The following CDKAL1 variants were observed in gnomAD, a reference collection of about 807,000 sequenced individuals.
The protein encoded by CDKAL1 is CDKAL1 threonylcarbamoyladenosine tRNA methylthiotransferase.
A neutral mutation model predicts 68.2 loss-of-function variants in CDKAL1; 32 were observed. The observed-to-expected ratio is 0.47, with a 90% confidence interval of 0.35 to 0.63. The LOEUF is 0.63. Ranked by LOEUF, CDKAL1 falls within the 30% of genes least tolerant of loss-of-function variation. The probability of loss-of-function intolerance (pLI) is 0.00; values close to 1 mark genes in which losing one functional copy is unlikely to be tolerated. For missense variants in CDKAL1, 606 were observed against 696.7 expected, an observed-to-expected ratio of 0.87 and a Z score of 1.47; for synonymous variants, 234 against 244.3, an observed-to-expected ratio of 0.96 and a Z score of 0.39.
intron 15 of CDKAL1, among the ~76,000 whole-genome samples, chr6:21,214,467 A>G (rs2151119389): frequency 1.3e-5 from 2 of 152,078 alleles, no homozygotes; most frequent in African/African-American, 4.8e-5. Flanking sequence ...ACTGGCCTCC[A>G]TGCTGCTCCT....
intron 6 of CDKAL1, 98 bp downstream of exon 6, chr6:20,739,713 A>G (rs891450106): frequency 1.9e-5 from 12 of 633,850 alleles, no homozygotes; most frequent in Non-Finnish European, 3.3e-5. Flanking sequence ...TTTGTAAGCT[A>G]TGTTACACTT....
chr6:21,190,364 G>GTTTTT (rs1308254985), intron 13 of CDKAL1, among the ~76,000 whole-genome samples: 1 of 150,948 alleles, frequency 6.6e-6, no homozygotes. Context: ...TATGTGTGGG[G>GTTTTT]TTTTTTTTGT....
intron 8 of CDKAL1, among the ~76,000 whole-genome samples, chr6:20,795,511 A>G (rs1776073845): frequency 6.6e-6 from 1 of 152,148 alleles, no homozygotes; most frequent in South Asian, 2.1e-4. Flanking sequence ...ATTCTCTTGG[A>G]ATAGTGGTTG....
At chr6:20,721,220 T>C (rs1772341676) in intron 5 of CDKAL1, among the ~76,000 whole-genome samples, 1 of 151,994 alleles carries the variant, frequency 6.6e-6, no homozygotes, top group South Asian at 2.1e-4. Flanking sequence ...TGTTTGGTTT[T>C]CTGTCCTTGA....
intron 9 of CDKAL1, among the ~76,000 whole-genome samples, chr6:20,903,623 A>G (rs1300647438): frequency 6.6e-6 from 1 of 152,216 alleles, no homozygotes; most frequent in Non-Finnish European, 1.5e-5. Context: ...GGTAACAAAG[A>G]TGCTGCTTCT....
chr6:20,766,323 A>G (rs956393794), intron 7 of CDKAL1, among the ~76,000 whole-genome samples: 3 of 152,082 alleles, frequency 2.0e-5, no homozygotes, highest in Admixed American at 1.3e-4. Context: ...GAGCTGGTGC[A>G]TAGTGTTGAA....
intron 6 of CDKAL1, among the ~76,000 whole-genome samples, chr6:20,741,220 GT>G (rs1773442623): frequency 2.0e-5 from 3 of 152,002 alleles, no homozygotes; most frequent in Non-Finnish European, 4.4e-5. Flanking sequence ...CTTTGTGTCA[GT>G]CCAATTTTCA....
At chr6:20,702,085 A>T (rs1442663289) in intron 5 of CDKAL1, among the ~76,000 whole-genome samples, 3 of 151,932 alleles carry the variant, frequency 2.0e-5, no homozygotes, top group Admixed American at 6.6e-5. Flanking sequence ...TTTCTTCCCT[A>T]CTCCTGTGCT....
intron 5 of CDKAL1, among the ~76,000 whole-genome samples, chr6:20,652,270 G>A (rs1768806798): frequency 6.6e-6 from 1 of 151,992 alleles, no homozygotes; most frequent in Admixed American, 6.6e-5. Context: ...TGTTCTTCTC[G>A]GAGAATCAAT....
intron 4 of CDKAL1, among the ~76,000 whole-genome samples, chr6:20,635,642 A>T (rs1043478980): frequency 3.9e-5 from 6 of 152,134 alleles, no homozygotes; most frequent in Admixed American, 2.6e-4. Flanking sequence ...AGAGTTTTGG[A>T]TTAGGGATAC....
intron 4 of CDKAL1, among the ~76,000 whole-genome samples, chr6:20,573,318 G>T (rs977900401): frequency 3.5e-4 from 54 of 152,222 alleles, no homozygotes; most frequent in Admixed American, 2.5e-3. Flanking sequence ...GATTGGAGTT[G>T]TATGCAAATG....
At chr6:20,645,326 C>G (rs1248935807) in intron 4 of CDKAL1, among the ~76,000 whole-genome samples, 5 of 152,062 alleles carry the variant, frequency 3.3e-5, no homozygotes, top group Non-Finnish European at 7.4e-5. Context: ...CTTTATGAAC[C>G]TTTTAATTTT....
At chr6:20,631,914 A>G (rs749287042) in intron 4 of CDKAL1, among the ~76,000 whole-genome samples, 5 of 152,242 alleles carry the variant, frequency 3.3e-5, no homozygotes, top group Admixed American at 1.3e-4. Flanking sequence ...GTATCTAAAT[A>G]TAGCAACTGT....
At chr6:21,066,758 A>G (rs941829492) in intron 12 of CDKAL1, among the ~76,000 whole-genome samples, 4 of 152,100 alleles carry the variant, frequency 2.6e-5, no homozygotes, top group Non-Finnish European at 5.9e-5. Flanking sequence ...AGTAGCTGGG[A>G]CTACAGGTGG....
At chr6:21,065,877 G>A (rs572257858) in intron 12 of CDKAL1, among the ~76,000 whole-genome samples, 3 of 151,658 alleles carry the variant, frequency 2.0e-5, no homozygotes, top group East Asian at 1.9e-4. Flanking sequence ...GGCTGAATAC[G>A]GGCAAATGTA....
chr6:20,757,211 A>G (rs1248918875), intron 6 of CDKAL1, among the ~76,000 whole-genome samples: 1 of 152,130 alleles, frequency 6.6e-6, no homozygotes, highest in East Asian at 1.9e-4. Context: ...CTGGAATTAT[A>G]GGCATGAACC....
At chr6:20,746,765 C>G (rs114508326) in intron 6 of CDKAL1, among the ~76,000 whole-genome samples, 7 of 152,056 alleles carry the variant, frequency 4.6e-5, no homozygotes, top group African/African-American at 1.7e-4. Context: ...TTAAGGTGTA[C>G]AATGTTTTTA....
chr6:21,100,070 A>AGTT (rs1773507869), intron 12 of CDKAL1, among the ~76,000 whole-genome samples: 1 of 151,970 alleles, frequency 6.6e-6, no homozygotes, highest in African/African-American at 2.4e-5. Flanking sequence ...TTTGTTGCCT[A>AGTT]AAGACCTGCC....
chr6:20,612,998 CACACACACA>C (rs1766693104), intron 4 of CDKAL1, among the ~76,000 whole-genome samples: 2 of 23,206 alleles, frequency 8.6e-5, no homozygotes, highest in Admixed American at 4.5e-4. Flanking sequence ...TCTACACACA[CACACACACA>C]CACACACACA....
Sources: allele counts gnomAD v4.1 joint callset (sites outside exome capture counted in the v4.1 genomes callset), GRCh38; gene constraint gnomAD v4.1.1; transcripts MANE v1.5; gene names NCBI Gene and HGNC (gene_info 2026-07-23, HGNC 2026-07-21).